Variants in ADGRL4 observed in about 807,000 individuals in gnomAD.
ADGRL4 encodes adhesion G protein-coupled receptor L4, also known as EGF, latrophilin and seven transmembrane domain containing 1.
ADGRL4 carries 90 observed loss-of-function variants against 74.8 expected under a neutral mutation model. The observed-to-expected ratio is 1.20, with a 90% CI of 1.02 to 1.43. The LOEUF (loss-of-function observed/expected upper bound fraction) is 1.43, where lower values mean the gene tolerates loss of function less well. ADGRL4 is among the 40% of genes most tolerant of loss of function. The probability of loss-of-function intolerance (pLI) is 0.00; values close to 1 mark genes in which losing one functional copy is unlikely to be tolerated. For synonymous variants in ADGRL4, 311 were observed against 279.2 expected (o/e 1.11, Z -1.14); for missense variants, 881 against 814.3 (o/e 1.08, Z -1.00).
intron 2 of ADGRL4, among the ~76,000 whole-genome samples, chr1:78,947,654 T>A (rs1570247681): frequency 6.6e-6 from 1 of 152,084 alleles, no homozygotes; most frequent in Middle Eastern, 3.4e-3. Flanking sequence ...ATAGGATAGG[T>A]AAGTATCAGT....
At chr1:78,969,706 G>T (rs371146847) in intron 2 of ADGRL4, among the ~76,000 whole-genome samples, 42 of 112,036 alleles carry the variant, frequency 3.7e-4, no homozygotes, top group African/African-American at 1.5e-3. Context: ...ATGATTTGTG[G>T]GTTTTTTTTT....
chr1:78,962,127 C>T (rs1030681190), intron 2 of ADGRL4, among the ~76,000 whole-genome samples: 5 of 152,146 alleles, frequency 3.3e-5, no homozygotes, highest in Non-Finnish European at 5.9e-5. Context: ...GTGATCCACT[C>T]ACCTCAGTCT....
chr1:78,946,169 G>A, intron 3 of ADGRL4, 105 bp downstream of exon 3: 2 of 723,540 alleles, frequency 2.8e-6, no homozygotes, highest in Non-Finnish European at 4.2e-6. Flanking sequence ...TAACACGTAG[G>A]GTACGATCAA....
At chr1:78,943,556 T>C (rs541423773) in intron 3 of ADGRL4, among the ~76,000 whole-genome samples, 10 of 152,336 alleles carry the variant, frequency 6.6e-5, no homozygotes, top group Admixed American at 1.3e-4. Context: ...TCTTCCATTT[T>C]TTATTCATAG....
chr1:78,906,322 A>T (rs1292252863), intron 12 of ADGRL4, among the ~76,000 whole-genome samples: 1 of 152,036 alleles, frequency 6.6e-6, no homozygotes, highest in Non-Finnish European at 1.5e-5. Flanking sequence ...CATATTTTTA[A>T]CATGTTTCCA....
chr1:78,984,817 T>G (rs948084726), intron 2 of ADGRL4, among the ~76,000 whole-genome samples: 12 of 151,812 alleles, frequency 7.9e-5, no homozygotes, highest in African/African-American at 2.9e-4. Context: ...GCTAAAACCT[T>G]TTCAACATAA....
rs142832660 is a variant in ADGRL4 at position 78,956,875 on chromosome 1, C to T, written c.173-10449G>A. Among the ~76,000 whole-genome samples the T allele has an allele frequency of 1.1e-4, 16 of 152,188 alleles. 1 individual carries two copies. Among genetic ancestry groups the T allele is most frequent in the African/African-American group, 3.4e-4 (14 of 41,522 alleles). The stretch of plus-strand genomic sequence containing the variant: ...CTAAGCCTCACTTTATTGTACTTTG[C>T]AGAAATTGCAATTTTATGGTTTGTT... On this transcript the variant is annotated intron_variant, in intron 2 of 14. Transcript: ENST00000370742.
At chr1:78,958,650 T>G (rs1649881427) in intron 2 of ADGRL4, among the ~76,000 whole-genome samples, 1 of 152,184 alleles carries the variant, frequency 6.6e-6, no homozygotes, top group Non-Finnish European at 1.5e-5. Context: ...GTTTTTTTCC[T>G]GAGGTGAAAT....
At chr1:78,965,341 C>T (rs537050199) in intron 2 of ADGRL4, among the ~76,000 whole-genome samples, 4 of 152,188 alleles carry the variant, frequency 2.6e-5, no homozygotes, top group Admixed American at 1.3e-4. Context: ...ATATTTGGAG[C>T]ATTAACTCCT....
intron 7 of ADGRL4, among the ~76,000 whole-genome samples, chr1:78,935,539 A>C (rs535272805): frequency 4.7e-5 from 7 of 149,316 alleles, no homozygotes; most frequent in African/African-American, 1.5e-4. Flanking sequence ...TAAAAAAAAA[A>C]AAACAAACCT....
At chr1:79,006,556 C>T (rs1570285308) in intron 1 of ADGRL4, 77 bp downstream of exon 1, 4 of 1,498,000 alleles carry the variant, frequency 2.7e-6, no homozygotes, top group Middle Eastern at 1.7e-4. Context: ...GTGAGCTCCA[C>T]CTCTTAAAAA....
chr1:78,940,231 C>CA (rs1398970470), intron 3 of ADGRL4, among the ~76,000 whole-genome samples: 3 of 152,018 alleles, frequency 2.0e-5, no homozygotes, highest in Non-Finnish European at 4.4e-5. Context: ...GATTTCTTTC[C>CA]AAAGCTTCAT....
At chr1:78,945,506 AT>A (rs1206955850) in intron 3 of ADGRL4, among the ~76,000 whole-genome samples, 1 of 152,086 alleles carries the variant, frequency 6.6e-6, no homozygotes, top group Admixed American at 6.6e-5. Flanking sequence ...GCTCCAGAGA[AT>A]TTGCTTCTGA....
At chr1:78,948,929 C>T (rs1649667690) in intron 2 of ADGRL4, among the ~76,000 whole-genome samples, 1 of 152,046 alleles carries the variant, frequency 6.6e-6, no homozygotes, top group African/African-American at 2.4e-5. Flanking sequence ...TGTCAGAGTT[C>T]ACATTCTAAA....
chr1:78,900,803 AT>A (rs1317735902), intron 12 of ADGRL4, among the ~76,000 whole-genome samples: 3 of 152,106 alleles, frequency 2.0e-5, no homozygotes, highest in Non-Finnish European at 4.4e-5. Flanking sequence ...CTCTTCATAA[AT>A]TACCCGGTCT....
At chr1:78,988,153 T>C (rs1650534843) in intron 2 of ADGRL4, among the ~76,000 whole-genome samples, 1 of 151,814 alleles carries the variant, frequency 6.6e-6, no homozygotes, top group Non-Finnish European at 1.5e-5. Flanking sequence ...GAAAAACAAA[T>C]GTTATTATAT....
chr1:78,988,324 A>G (rs188165625), intron 2 of ADGRL4, among the ~76,000 whole-genome samples: 5 of 151,928 alleles, frequency 3.3e-5, no homozygotes, highest in South Asian at 2.1e-4. Flanking sequence ...GAGTTAAGAC[A>G]TCTATTCTGA....
chr1:78,993,475 A>G (rs1301323099), intron 2 of ADGRL4, among the ~76,000 whole-genome samples: 2 of 152,200 alleles, frequency 1.3e-5, no homozygotes, highest in African/African-American at 2.4e-5. Context: ...TAAATGTGAG[A>G]CAAGCATTAT....
intron 9 of ADGRL4, among the ~76,000 whole-genome samples, chr1:78,920,753 G>C (rs1648980421): frequency 6.6e-6 from 1 of 151,824 alleles, no homozygotes; most frequent in Admixed American, 6.6e-5. Flanking sequence ...TCAGTGGTAA[G>C]ACTAAGTCTT....
Sources: allele counts gnomAD v4.1 joint callset (sites outside exome capture counted in the v4.1 genomes callset), GRCh38; gene constraint gnomAD v4.1.1; transcripts MANE v1.5; gene names NCBI Gene and HGNC (gene_info 2026-07-23, HGNC 2026-07-21).